Variants in GLT1D1 observed in about 807,000 individuals in gnomAD.
GLT1D1 encodes the protein glycosyltransferase 1 domain-containing protein 1.
In GLT1D1, 21 loss-of-function variants were observed where a neutral mutation model predicts 28.7. The observed-to-expected ratio is 0.73, with a 90% CI of 0.52 to 1.05. The LOEUF (loss-of-function observed/expected upper bound fraction) is 1.05, where lower values mean the gene tolerates loss of function less well. Ranked by LOEUF, GLT1D1 falls within the 50% of genes least tolerant of loss-of-function variation. The probability of loss-of-function intolerance (pLI) is 0.00; values close to 1 mark genes in which losing one functional copy is unlikely to be tolerated. For missense variants in GLT1D1, 343 were observed against 330.6 expected (o/e 1.04, Z -0.29); for synonymous variants, 147 against 124.8 (o/e 1.18, Z -1.19).
At chr12:128,956,172 A>AAAAAAAAAAAAAAAAAGAGG (rs1877280758) in intron 6 of GLT1D1, among the ~76,000 whole-genome samples, 1 of 43,180 alleles carries the variant, frequency 2.3e-5, no homozygotes, top group Admixed American at 2.4e-4. Flanking sequence ...AAAAAAAAAA[A>AAAAAAAAAAAAAAAAAGAGG]GAGAAAGAGA....
chr12:128,962,989 C>T (rs142678045), intron 7 of GLT1D1, among the ~76,000 whole-genome samples: 348 of 152,228 alleles, frequency 2.3e-3, no homozygotes, highest in Middle Eastern at 0.01. Context: ...CATGAGCCAC[C>T]GCGCCCAGCC....
At chr12:128,908,402 CTCTTTCTT>C (rs140784750) in intron 4 of GLT1D1, among the ~76,000 whole-genome samples, 5 of 145,604 alleles carry the variant, frequency 3.4e-5, no homozygotes, top group African/African-American at 7.7e-5. Flanking sequence ...CTCTCTCTCT[CTCTTTCTT>C]TCTTTCTTTT....
At chr12:128,918,116 T>A (rs748915193) in intron 4 of GLT1D1, among the ~76,000 whole-genome samples, 18 of 152,312 alleles carry the variant, frequency 1.2e-4, no homozygotes, top group Middle Eastern at 3.4e-3. Flanking sequence ...CACCGTGGAA[T>A]ACTATGCAGC....
chr12:128,906,951 A>G (rs1383869897), intron 4 of GLT1D1: 1 of 702,604 alleles, frequency 1.4e-6, no homozygotes, highest in Non-Finnish European at 2.6e-6. Flanking sequence ...CAGTTCCTGT[A>G]CAGGTGAGCT....
chr12:128,926,193 C>CAATAATAATAATAAT (rs34967915), intron 4 of GLT1D1, among the ~76,000 whole-genome samples, 166 bp from the exon 7 acceptor site: 18 of 132,940 alleles, frequency 1.4e-4, no homozygotes, highest in African/African-American at 4.5e-4. Context: ...GACTCTGTCT[C>CAATAATAATAATAAT]AATAATAATA....
intron 2 of GLT1D1, among the ~76,000 whole-genome samples, chr12:128,879,378 TTTTCTTTCTTTC>T (rs572806857): frequency 0.049 from 3,393 of 69,772 alleles, 200 homozygotes; most frequent in East Asian, 0.072. Context: ...ATTTTTTTCT[TTTTCTTTCTTTC>T]TTTCTTTCTT....
intron 2 of GLT1D1, among the ~76,000 whole-genome samples, chr12:128,886,428 A>G (rs1593083827): frequency 6.6e-6 from 1 of 151,994 alleles, no homozygotes; most frequent in Admixed American, 6.6e-5. Context: ...ACTTCCCAAG[A>G]CCCCTGAGGC....
At chr12:128,930,946 G>A (rs1201626136) in intron 4 of GLT1D1, among the ~76,000 whole-genome samples, 2 of 151,772 alleles carry the variant, frequency 1.3e-5, no homozygotes, top group Non-Finnish European at 2.9e-5. Flanking sequence ...TTCATATGAA[G>A]CAATCAGAAA....
chr12:128,941,402 TG>T (rs947977793), intron 4 of GLT1D1, among the ~76,000 whole-genome samples: 6 of 149,954 alleles, frequency 4.0e-5, no homozygotes, highest in African/African-American at 1.5e-4. Context: ...ACTGCAATAT[TG>T]GGTGGTTGTC....
At chr12:128,903,728 ATATTTT>A (rs1006262383) in intron 4 of GLT1D1, among the ~76,000 whole-genome samples, 28 of 151,422 alleles carry the variant, frequency 1.8e-4, no homozygotes, top group African/African-American at 6.8e-4. Context: ...GTTTTTTTAA[ATATTTT>A]TATTTTTATT....
intron 7 of GLT1D1, among the ~76,000 whole-genome samples, chr12:128,975,439 C>A (rs755878590): frequency 7.9e-6 from 1 of 126,398 alleles, no homozygotes; most frequent in Non-Finnish European, 1.7e-5. Flanking sequence ...ATTCCCATAG[C>A]TGTTTTTTTG....
At chr12:128,880,960 C>T (rs556766715) in intron 2 of GLT1D1, among the ~76,000 whole-genome samples, 8 of 152,248 alleles carry the variant, frequency 5.3e-5, no homozygotes, top group Non-Finnish European at 7.4e-5. Context: ...CGCGGTGGCT[C>T]ACGCCTGTAA....
intron 3 of GLT1D1, among the ~76,000 whole-genome samples, chr12:128,895,347 G>T (rs992806880): frequency 1.3e-5 from 2 of 151,950 alleles, no homozygotes; most frequent in Non-Finnish European, 2.9e-5. Context: ...ATTTGACATT[G>T]GTATGAAGCT....
At chr12:128,895,543 G>A (rs556040355) in intron 3 of GLT1D1, among the ~76,000 whole-genome samples, 93 of 150,188 alleles carry the variant, frequency 6.2e-4, no homozygotes, top group African/African-American at 2.2e-3. Context: ...CGCAACCTCC[G>A]CCTCCTGGGT....
At chr12:128,943,236 A>G (rs1159731687) in intron 4 of GLT1D1, among the ~76,000 whole-genome samples, 2 of 152,214 alleles carry the variant, frequency 1.3e-5, no homozygotes, top group Non-Finnish European at 2.9e-5. Context: ...CCTGTTTACT[A>G]ATTATGATTG....
chr12:128,916,109 G>C (rs1440082853), intron 4 of GLT1D1, among the ~76,000 whole-genome samples: 1 of 152,192 alleles, frequency 6.6e-6, no homozygotes, highest in Admixed American at 6.5e-5. Flanking sequence ...TCTAAGTGGA[G>C]TCATGCATTG....
chr12:128,959,113 AG>A (rs1877628028), intron 7 of GLT1D1, among the ~76,000 whole-genome samples: 2 of 151,996 alleles, frequency 1.3e-5, no homozygotes, highest in Non-Finnish European at 2.9e-5. Context: ...CTGGGATTAC[AG>A]GCATGAGCAC....
Position 128,904,376 on chromosome 12 carries a change from G to A in GLT1D1, c.375+5089G>A, listed in dbSNP as rs192442727. 1.6e-3 allele frequency among the ~76,000 whole-genome samples: 246 copies of A among 151,848 alleles called. 6 individuals carry two copies. In the South Asian group the frequency reaches 0.026, roughly 16 times the overall value. ...AAGAAATAAAGAGGGGTTTAAGAGC[G>A]TTCATACAACCTAACATTTTTATCA... On this transcript the variant is annotated intron_variant, in intron 4 of 7. Transcript: ENST00000281703.
At chr12:128,939,849 C>CG (rs1555271994) in intron 4 of GLT1D1, among the ~76,000 whole-genome samples, 1 of 140,220 alleles carries the variant, frequency 7.1e-6, no homozygotes, top group African/African-American at 2.6e-5. Flanking sequence ...CCCCCCCCAC[C>CG]GCCGATCCAA....
Sources: allele counts gnomAD v4.1 joint callset (sites outside exome capture counted in the v4.1 genomes callset), GRCh38; gene constraint gnomAD v4.1.1; transcripts MANE v1.5; gene names NCBI Gene and HGNC (gene_info 2026-07-23, HGNC 2026-07-21).